DYRK1A: variants seen among roughly 807,000 people sequenced by gnomAD.
The protein encoded by DYRK1A is dual specificity tyrosine-phosphorylation-regulated kinase 1A.
Under a neutral mutation model 79.7 loss-of-function variants are expected in DYRK1A, and 9 were observed. That is an observed-to-expected ratio of 0.11 (90% CI 0.07 to 0.20). The LOEUF (loss-of-function observed/expected upper bound fraction) is 0.20. DYRK1A is among the 10% of genes least tolerant of loss of function. DYRK1A has a pLI of 1.00. For missense variants in DYRK1A, 622 were observed against 956.0 expected, an observed-to-expected ratio of 0.65 and a Z score of 4.61; for synonymous variants, 349 against 329.7, an observed-to-expected ratio of 1.06 and a Z score of -0.63.
chr21:37,506,016 T>G (rs534211409), intron 10 of DYRK1A, 83 bp from the exon 11 acceptor site: 1 of 1,473,512 alleles, frequency 6.8e-7, no homozygotes, highest in South Asian at 1.3e-5. Context: ...CTTTCAGTTT[T>G]AATGGTATAG....
intron 9 of DYRK1A, chr21:37,502,131 A>G (rs1336929322): frequency 6.6e-6 from 1 of 151,918 alleles, no homozygotes; most frequent in Admixed American, 6.6e-5. Flanking sequence ...ATGTGTAGAC[A>G]CACACACACA....
intron 1 of DYRK1A, among the ~76,000 whole-genome samples, chr21:37,384,227 A>G (rs1404353386): frequency 3.3e-5 from 5 of 152,192 alleles, no homozygotes; most frequent in African/African-American, 7.2e-5. Context: ...GGAGGGAGCT[A>G]TACTGAGAAA....
At position 37,429,620 on chromosome 21, in the gene DYRK1A, A is replaced by G. The variant is rs568190628; in HGVS notation, c.10+9236A>G. On this transcript the variant is annotated intron_variant, in intron 2 of 11. Coordinates refer to ENST00000647188, the MANE Select transcript of DYRK1A (RefSeq NM_001347721.2). Reference sequence around the variant, plus strand: ...AGGGGGAGGTGTGCCCCTGTGATCCAATCACCTTTCAAGAGGCCTCTCCTC... The same window carrying G: ...AGGGGGAGGTGTGCCCCTGTGATCCGATCACCTTTCAAGAGGCCTCTCCTC... Among the ~76,000 whole-genome samples the G allele has an allele frequency of 4.6e-5, 7 of 152,304 alleles. No homozygotes were observed. In the South Asian group the frequency reaches 1.5e-3, roughly 32 times the overall value.
chr21:37,446,935 A>G (rs2051292621), intron 2 of DYRK1A, among the ~76,000 whole-genome samples: 1 of 152,108 alleles, frequency 6.6e-6, no homozygotes, highest in South Asian at 2.1e-4. Flanking sequence ...AGTTCTTCAT[A>G]AGAATCCCCA....
intron 5 of DYRK1A, among the ~76,000 whole-genome samples, chr21:37,484,052 C>T (rs899279959): frequency 5.9e-5 from 9 of 152,166 alleles, no homozygotes; most frequent in African/African-American, 1.9e-4. Context: ...CAAGCATTAC[C>T]GCCTGAGCTC....
intron 9 of DYRK1A, among the ~76,000 whole-genome samples, chr21:37,497,830 G>A (rs2053319159): frequency 6.6e-6 from 1 of 152,106 alleles, no homozygotes; most frequent in Middle Eastern, 3.4e-3. Flanking sequence ...AATTGGAAGT[G>A]GATATCTTAA....
At chr21:37,390,841 A>T (rs2049856794) in intron 1 of DYRK1A, among the ~76,000 whole-genome samples, 1 of 152,204 alleles carries the variant, frequency 6.6e-6, no homozygotes, top group Admixed American at 6.5e-5. Context: ...AAGTGCTGGG[A>T]TTACAGGCGT....
At chr21:37,479,619 G>GTTTTTGTTTTTTTTTTTTT (rs2052550822) in intron 4 of DYRK1A, among the ~76,000 whole-genome samples, 12 of 73,920 alleles carry the variant, frequency 1.6e-4, no homozygotes, top group East Asian at 6.3e-4. Flanking sequence ...TTTGTTTTTT[G>GTTTTTGTTTTTTTTTTTTT]TTTTTTTTTT....
At chr21:37,500,443 C>T (rs112589565) in intron 9 of DYRK1A, among the ~76,000 whole-genome samples, 1 of 151,934 alleles carries the variant, frequency 6.6e-6, no homozygotes, top group Non-Finnish European at 1.5e-5. Context: ...TTAATAAAAC[C>T]ATCATTGGGG....
At chr21:37,420,115 A>G (rs1017982343) in intron 1 of DYRK1A, 184 bp from the exon 2 acceptor site, 6 of 297,592 alleles carry the variant, frequency 2.0e-5, no homozygotes, top group Non-Finnish European at 3.7e-5. Flanking sequence ...TATTTTATAT[A>G]TAGTTGATTT....
At position 37,515,115 on chromosome 21, in the gene DYRK1A, AC is replaced by A. The variant is rs2053862206; in HGVS notation, c.*2590del. On this transcript the variant is annotated 3_prime_UTR_variant, in exon 12 of 12. Transcript: ENST00000647188. ...TATTGTAACGTTAAATGAAAAAAGA[AC>A]CCCCCTTTGTATTATAGTCATGCGG... The A allele has an allele frequency of 6.6e-6, 1 of 152,482 alleles. No individual in the cohort carries two copies. Among genetic ancestry groups the A allele is most frequent in the Admixed American group, 6.5e-5 (1 of 15,272 alleles). 9.4% of individuals were successfully genotyped at this position (152,482 alleles called of 1,614,324 possible).
intron 1 of DYRK1A, among the ~76,000 whole-genome samples, chr21:37,382,571 A>G (rs1423354144): frequency 1.3e-5 from 2 of 152,194 alleles, no homozygotes; most frequent in Non-Finnish European, 2.9e-5. Context: ...ACCAAGGTAA[A>G]ATAAAAACTT....
intron 1 of DYRK1A, among the ~76,000 whole-genome samples, 155 bp downstream of exon 1, chr21:37,367,783 G>A (rs1375106260): frequency 1.1e-4 from 16 of 150,864 alleles, no homozygotes; most frequent in African/African-American, 3.6e-4. Flanking sequence ...GCCGGGGGAG[G>A]GAGCCTCAGG....
intron 2 of DYRK1A, among the ~76,000 whole-genome samples, 184 bp from the exon 3 acceptor site, chr21:37,472,500 A>G (rs573513024): frequency 6.6e-6 from 1 of 152,344 alleles, no homozygotes; most frequent in East Asian, 1.9e-4. Context: ...TTTAATCACT[A>G]TGGATCTTCT....
chr21:37,505,220 A>C, intron 9 of DYRK1A, 63 bp from the exon 10 acceptor site: 1 of 1,303,608 alleles, frequency 7.7e-7, no homozygotes, highest in Non-Finnish European at 1.1e-6. Context: ...TTGAAATTCA[A>C]TTATGTGAGT....
chr21:37,472,059 G>A (rs1457996620), intron 2 of DYRK1A, among the ~76,000 whole-genome samples: 1 of 151,992 alleles, frequency 6.6e-6, no homozygotes, highest in East Asian at 1.9e-4. Context: ...TTTTTTCTTT[G>A]TGGTGAGCTT....
rs940019800 is a variant in DYRK1A, at chr21:37,517,091, G to A, written c.*4560G>A. On this transcript the variant is annotated 3_prime_UTR_variant, in exon 12 of 12. Transcript: ENST00000647188. ...CCTTCTTCAAAGCATAGAGGAGGCA[G>A]AGACAAGTCTTAAACCGGCTTCCCT... The A allele has an allele frequency of 1.1e-4, 16 of 152,322 alleles. No individual in the cohort carries two copies. The highest frequency in any genetic ancestry group is 3.8e-4 in the African/African-American group (16 of 41,570). The allele number at this position is 152,322 out of a possible 1,614,324, so 9.4% of individuals were successfully genotyped here. A position where few individuals can be genotyped will look rare whatever the true frequency, so the allele number is the denominator to read the frequency against.
At chr21:37,396,257 T>C (rs1327987015) in intron 1 of DYRK1A, among the ~76,000 whole-genome samples, 2 of 152,218 alleles carry the variant, frequency 1.3e-5, no homozygotes, top group East Asian at 3.9e-4. Flanking sequence ...GTGGGAGAAG[T>C]AGAATAGGGT....
chr21:37,428,850 C>T (rs958049578), intron 2 of DYRK1A: 6 of 152,090 alleles, frequency 3.9e-5, no homozygotes, highest in African/African-American at 1.2e-4. Flanking sequence ...TTACTTTTCT[C>T]GAATTCCTGA....
Sources: allele counts gnomAD v4.1 joint callset (sites outside exome capture counted in the v4.1 genomes callset), GRCh38; gene constraint gnomAD v4.1.1; transcripts MANE v1.5; gene names NCBI Gene and HGNC (gene_info 2026-07-23, HGNC 2026-07-21).